Variants in TMTC1 observed in about 807,000 individuals in gnomAD.
The protein encoded by TMTC1 is protein O-mannosyl-transferase TMTC1.
In TMTC1, 73 loss-of-function variants were observed where a neutral mutation model predicts 104.8. The ratio of observed to expected loss-of-function variants is 0.70; its 90% CI spans 0.58 to 0.85. The LOEUF (loss-of-function observed/expected upper bound fraction) is 0.85. Ranked by LOEUF, TMTC1 falls within the 40% of genes least tolerant of loss-of-function variation. The pLI is 0.00. For missense variants in TMTC1, 1,035 were observed against 1,096.1 expected (o/e 0.94, Z 0.79); for synonymous variants, 434 against 428.7 (o/e 1.01, Z -0.15).
At chr12:29,671,882 G>A (rs745785495) in intron 5 of TMTC1, among the ~76,000 whole-genome samples, 1 of 152,194 alleles carries the variant, frequency 6.6e-6, no homozygotes, top group Non-Finnish European at 1.5e-5. Flanking sequence ...AAGAGTCTGG[G>A]TAGGCAAGAG....
At chr12:29,597,148 C>A (rs574906106) in intron 7 of TMTC1, among the ~76,000 whole-genome samples, 1 of 152,052 alleles carries the variant, frequency 6.6e-6, no homozygotes, top group African/African-American at 2.4e-5. Flanking sequence ...GTGTCCAGGG[C>A]CTCATTTCCT....
At chr12:29,745,351 A>G (rs576149889) in intron 5 of TMTC1, among the ~76,000 whole-genome samples, 49 of 152,232 alleles carry the variant, frequency 3.2e-4, no homozygotes, top group African/African-American at 1.2e-3. Context: ...GGCCAGGAGC[A>G]GTGGCTCACG....
intron 6 of TMTC1, among the ~76,000 whole-genome samples, chr12:29,620,643 AAC>A (rs1015546005): frequency 6.6e-6 from 1 of 152,204 alleles, no homozygotes; most frequent in Non-Finnish European, 1.5e-5. Context: ...TCTATTTTCT[AAC>A]ACTGCATCAA....
intron 5 of TMTC1, among the ~76,000 whole-genome samples, chr12:29,731,156 G>A (rs1488862897): frequency 6.6e-6 from 1 of 152,126 alleles, no homozygotes; most frequent in Non-Finnish European, 1.5e-5. Context: ...TAATCTAAAA[G>A]TCTAGCAAAG....
intron 5 of TMTC1, among the ~76,000 whole-genome samples, chr12:29,666,446 G>C (rs367975537): frequency 5.9e-5 from 9 of 151,798 alleles, no homozygotes; most frequent in African/African-American, 2.2e-4. Context: ...TGTTAGCCAG[G>C]ATGGTCTCGA....
chr12:29,583,012 C>A (rs896434641), intron 8 of TMTC1, among the ~76,000 whole-genome samples: 5 of 152,208 alleles, frequency 3.3e-5, no homozygotes, highest in Non-Finnish European at 5.9e-5. Flanking sequence ...GCGTATCATG[C>A]TGGAATATTC....
Position 29,773,619 on chromosome 12 carries a change from C to G in TMTC1, c.303-5544G>C, listed in dbSNP as rs149623481. On this transcript the variant is annotated intron_variant, in intron 1 of 17. Coordinates refer to ENST00000539277, the MANE Select transcript of TMTC1 (RefSeq NM_001193451.2). ...TGGTGACCCAAGCCTGATTCCTGGC[C>G]CTGAAGCTGGAGTTTTCCTGGAATA... Among the ~76,000 whole-genome samples, 1,173 of 152,136 alleles carry G rather than the reference C, an allele frequency of 7.7e-3. 21 individuals are homozygous for G. The highest frequency in any genetic ancestry group is 0.027 in the African/African-American group (1,116 of 41,492).
intron 5 of TMTC1, among the ~76,000 whole-genome samples, chr12:29,703,430 G>A (rs375444897): frequency 1.3e-5 from 2 of 152,114 alleles, no homozygotes; most frequent in East Asian, 3.8e-4. Context: ...GCTAGTTTCC[G>A]AGTAAAGATT....
intron 10 of TMTC1, among the ~76,000 whole-genome samples, chr12:29,537,044 G>A (rs1055674115): frequency 6.6e-6 from 1 of 152,138 alleles, no homozygotes. Context: ...ATCCAATGAG[G>A]AGACATTGGG....
chr12:29,778,212 CAG>C (rs1943756184), intron 1 of TMTC1, among the ~76,000 whole-genome samples: 1 of 152,116 alleles, frequency 6.6e-6, no homozygotes, highest in African/African-American at 2.4e-5. Context: ...GCTAAACACA[CAG>C]AGAAAGAATC....
chr12:29,521,710 G>C (rs2136161299), intron 11 of TMTC1, among the ~76,000 whole-genome samples: 1 of 151,984 alleles, frequency 6.6e-6, no homozygotes, highest in East Asian at 1.9e-4. Context: ...TGGGATTACA[G>C]GCATGTGCCA....
intron 6 of TMTC1, among the ~76,000 whole-genome samples, chr12:29,613,194 G>C (rs1277227426): frequency 6.6e-6 from 1 of 152,164 alleles, no homozygotes; most frequent in African/African-American, 2.4e-5. Context: ...GCTGCTCTAA[G>C]AGATATGTGT....
At chr12:29,743,528 A>T (rs992196841) in intron 5 of TMTC1, among the ~76,000 whole-genome samples, 1 of 152,108 alleles carries the variant, frequency 6.6e-6, no homozygotes, top group Non-Finnish European at 1.5e-5. Context: ...AAAAAAAAAA[A>T]TTTCATTTAA....
chr12:29,594,362 T>C (rs915852050), intron 7 of TMTC1, among the ~76,000 whole-genome samples: 3 of 152,226 alleles, frequency 2.0e-5, no homozygotes, highest in Non-Finnish European at 4.4e-5. Context: ...TCTCCTCTAG[T>C]CCCATGAATT....
intron 5 of TMTC1, among the ~76,000 whole-genome samples, chr12:29,695,915 G>A (rs1219887608): frequency 6.7e-6 from 1 of 149,400 alleles, no homozygotes; most frequent in Admixed American, 6.7e-5. Flanking sequence ...AACCTTCCCA[G>A]GACTGAAATA....
At chr12:29,511,574 C>A (rs577581945) in intron 17 of TMTC1, among the ~76,000 whole-genome samples, 2 of 152,124 alleles carry the variant, frequency 1.3e-5, no homozygotes, top group South Asian at 2.1e-4. Flanking sequence ...CAAAGCAAAA[C>A]AAACAAGTTT....
intron 9 of TMTC1, among the ~76,000 whole-genome samples, chr12:29,571,583 TACACACACAC>T (rs36015543): frequency 6.8e-6 from 1 of 148,042 alleles, no homozygotes; most frequent in African/African-American, 2.5e-5. Flanking sequence ...CACACACACA[TACACACACAC>T]ACACACACAC....
chr12:29,728,307 T>G (rs1391247682), intron 5 of TMTC1, among the ~76,000 whole-genome samples: 1 of 152,018 alleles, frequency 6.6e-6, no homozygotes, highest in Non-Finnish European at 1.5e-5. Context: ...GGAGCTGTGA[T>G]CTGAATTCAG....
Position 29,517,514 on chromosome 12 carries a change from G to A in TMTC1, c.2082C>T (p.Tyr694=). 1 of 1,614,120 alleles carries A rather than the reference G, an allele frequency of 6.2e-7. No homozygotes were observed. Among genetic ancestry groups the A allele is most frequent in the Non-Finnish European group, 8.5e-7 (1 of 1,180,018 alleles). Residue 694 remains tyrosine (Y), a synonymous_variant, in exon 14 of 18, where the codon TAC becomes TAT. Coordinates refer to ENST00000539277, the MANE Select transcript of TMTC1 (RefSeq NM_001193451.2). ...AAGCCTCTTCGTATCGGCCAGTGTT[G>A]TAATACAGTGCTCCCAAAGGTGACA... ...EILSPLGALY[Y]NTGRYEEALQ... is the part of the protein sequence containing the mutation.
Sources: allele counts gnomAD v4.1 joint callset (sites outside exome capture counted in the v4.1 genomes callset), GRCh38; gene constraint gnomAD v4.1.1; transcripts MANE v1.5; gene names NCBI Gene and HGNC (gene_info 2026-07-23, HGNC 2026-07-21).